The following ATF7 variants were observed in gnomAD, a reference collection of about 807,000 sequenced individuals.
The protein encoded by ATF7 is activating transcription factor 7, also known as cyclic AMP-dependent transcription factor ATF-7.
ATF7 carries 10 observed loss-of-function variants against 50.4 expected under a neutral mutation model. That is an observed-to-expected ratio of 0.20 (90% CI 0.12 to 0.34). The LOEUF (loss-of-function observed/expected upper bound fraction) is 0.34. ATF7 is among the 10% of genes least tolerant of loss of function. ATF7 has a pLI of 1.00. For synonymous variants in ATF7, 201 were observed against 226.4 expected, an observed-to-expected ratio of 0.89 and a Z score of 1.01; for missense variants, 465 against 613.9, an observed-to-expected ratio of 0.76 and a Z score of 2.56.
chr12:53,528,351 G>C (rs1315681239), intron 9 of ATF7, among the ~76,000 whole-genome samples: 1 of 152,194 alleles, frequency 6.6e-6, no homozygotes, highest in East Asian at 1.9e-4. Context: ...TTTATGGCCA[G>C]GTGCAGTAGT....
At chr12:53,594,760 G>C (rs960150788) in intron 2 of ATF7, among the ~76,000 whole-genome samples, 1 of 152,024 alleles carries the variant, frequency 6.6e-6, no homozygotes, top group Non-Finnish European at 1.5e-5. Flanking sequence ...ATGGTGGTGG[G>C]CGCTTATAGT....
intron 11 of ATF7, among the ~76,000 whole-genome samples, chr12:53,520,993 ATT>A (rs11453651): frequency 2.9e-5 from 4 of 139,158 alleles, no homozygotes. Context: ...AGTCAGATCA[ATT>A]TTTTTTTTTT....
At chr12:53,593,548 T>C (rs1322077094) in intron 2 of ATF7, among the ~76,000 whole-genome samples, 1 of 152,214 alleles carries the variant, frequency 6.6e-6, no homozygotes, top group East Asian at 1.9e-4. Context: ...TTATTCATAA[T>C]GTACAATTTA....
chr12:53,608,382 T>C (rs770287967), intron 1 of ATF7, among the ~76,000 whole-genome samples: 1 of 152,020 alleles, frequency 6.6e-6, no homozygotes, highest in Non-Finnish European at 1.5e-5. Context: ...AAAAGGACCA[T>C]AAAAAATTCT....
At chr12:53,541,683 T>C (rs1027305128) in intron 4 of ATF7, among the ~76,000 whole-genome samples, 4 of 152,192 alleles carry the variant, frequency 2.6e-5, no homozygotes, top group African/African-American at 4.8e-5. Flanking sequence ...TAATTGAACA[T>C]ATTTTGTGAC....
intron 4 of ATF7, among the ~76,000 whole-genome samples, chr12:53,539,500 C>T (rs1162648384): frequency 6.6e-6 from 1 of 151,504 alleles, no homozygotes; most frequent in Non-Finnish European, 1.5e-5. Context: ...TTGAGACCAG[C>T]CTGTGCAACA....
At chr12:53,584,560 T>C (rs576131924) in intron 2 of ATF7, among the ~76,000 whole-genome samples, 4 of 152,242 alleles carry the variant, frequency 2.6e-5, no homozygotes, top group African/African-American at 9.6e-5. Context: ...AGAAAACTTA[T>C]GTCCACACAA....
At chr12:53,543,524 G>T (rs1939696890) in intron 3 of ATF7, 76 bp from the exon 4 acceptor site, 1 of 1,382,994 alleles carries the variant, frequency 7.2e-7, no homozygotes, top group Non-Finnish European at 9.7e-7. Flanking sequence ...AGTATATAGA[G>T]AATGCATTTG....
intron 1 of ATF7, among the ~76,000 whole-genome samples, chr12:53,612,888 C>G (rs1943957047): frequency 6.6e-6 from 1 of 152,080 alleles, no homozygotes; most frequent in South Asian, 2.1e-4. Context: ...CCTGTAGTCC[C>G]TGCTACTCGG....
chr12:53,611,124 A>T (rs1182348556), intron 1 of ATF7, among the ~76,000 whole-genome samples: 1 of 151,988 alleles, frequency 6.6e-6, no homozygotes, highest in Non-Finnish European at 1.5e-5. Context: ...CATTGTACCC[A>T]GCTAATATTC....
chr12:53,567,622 C>T (rs1941515159), intron 2 of ATF7, among the ~76,000 whole-genome samples: 1 of 152,168 alleles, frequency 6.6e-6, no homozygotes, highest in African/African-American at 2.4e-5. Context: ...CTTTAAAGGA[C>T]CAGTGCCTAG....
intron 2 of ATF7, among the ~76,000 whole-genome samples, chr12:53,570,939 A>C (rs1385744596): frequency 1.3e-5 from 2 of 152,184 alleles, no homozygotes; most frequent in East Asian, 3.8e-4. Context: ...ATAAAAATTC[A>C]ATTCAATCCA....
At chr12:53,582,615 G>A (rs2137710304) in intron 2 of ATF7, among the ~76,000 whole-genome samples, 1 of 152,242 alleles carries the variant, frequency 6.6e-6, no homozygotes, top group Admixed American at 6.5e-5. Flanking sequence ...GTCTCGTTCT[G>A]TCGCCCAGGC....
chr12:53,563,397 C>T (rs1941265029), intron 2 of ATF7, among the ~76,000 whole-genome samples: 1 of 152,016 alleles, frequency 6.6e-6, no homozygotes, highest in Non-Finnish European at 1.5e-5. Context: ...GGGAGAATTG[C>T]TTGACCCCAA....
intron 2 of ATF7, among the ~76,000 whole-genome samples, chr12:53,555,420 G>A (rs1940668633): frequency 6.6e-6 from 1 of 151,650 alleles, no homozygotes; most frequent in Admixed American, 6.6e-5. Context: ...ACTGTAGAGG[G>A]TCTGGGATTG....
At chr12:53,593,337 T>G (rs193087637) in intron 2 of ATF7, among the ~76,000 whole-genome samples, 1 of 152,188 alleles carries the variant, frequency 6.6e-6, no homozygotes, top group African/African-American at 2.4e-5. Context: ...CAGGCTTCAG[T>G]GAGTTATGAT....
intron 2 of ATF7, among the ~76,000 whole-genome samples, chr12:53,587,633 T>C (rs1019071081): frequency 2.0e-5 from 3 of 147,416 alleles, no homozygotes; most frequent in Non-Finnish European, 4.5e-5. Context: ...ATCGCACCAC[T>C]GTACTCCAGT....
intron 2 of ATF7, among the ~76,000 whole-genome samples, chr12:53,594,241 A>G (rs918075549): frequency 2.0e-5 from 3 of 152,242 alleles, no homozygotes; most frequent in Non-Finnish European, 4.4e-5. Flanking sequence ...AGATGCAAAG[A>G]AAGGATTTTA....
chr12:53,560,936 T>A (rs1020122389), intron 2 of ATF7, among the ~76,000 whole-genome samples: 6 of 151,414 alleles, frequency 4.0e-5, no homozygotes, highest in African/African-American at 1.5e-4. Context: ...GGCTTGGTTT[T>A]TTCTTTTCTT....
Sources: gnomAD v4.1 joint callset for allele counts (sites outside exome capture counted in the v4.1 genomes callset) on GRCh38, gnomAD v4.1.1 for gene constraint, MANE v1.5 for transcripts, NCBI Gene and HGNC (gene_info 2026-07-23, HGNC 2026-07-21) for gene names.